Variants in DAGLA observed in about 807,000 individuals in gnomAD.
DAGLA encodes diacylglycerol lipase-alpha.
DAGLA carries 22 observed loss-of-function variants against 102.6 expected under a neutral mutation model. The observed-to-expected ratio is 0.21, with a 90% confidence interval of 0.15 to 0.31. DAGLA has a LOEUF of 0.31. DAGLA is among the 10% of genes least tolerant of loss of function. The pLI, the probability that DAGLA is intolerant of heterozygous loss-of-function variation, is 1.00. For missense variants in DAGLA, 927 were observed against 1,446.6 expected, an observed-to-expected ratio of 0.64 and a Z score of 5.83; for synonymous variants, 578 against 628.9, an observed-to-expected ratio of 0.92 and a Z score of 1.21.
At chr11:61,711,156 C>T (rs1407820799) in intron 1 of DAGLA, among the ~76,000 whole-genome samples, 6 of 152,126 alleles carry the variant, frequency 3.9e-5, no homozygotes, top group South Asian at 2.1e-4. Flanking sequence ...GTAGAAAGGA[C>T]GAAAACCACA....
rs1187301812 is a variant in DAGLA at position 61,728,752 on chromosome 11, A to G, written c.772-179A>G. ...GGGTAGAAGGGGAGCATCTGGAAAT[A>G]TGGGGAAACCTCAGATTTTGGAAAA... On this transcript the variant is annotated intron_variant, in intron 7 of 19. Transcript: ENST00000257215. Among the ~76,000 whole-genome samples the G allele has an allele frequency of 2.6e-5, 4 of 152,248 alleles. No individual in the cohort carries two copies. The East Asian group carries it at 7.7e-4, about 29-fold the overall frequency.
At chr11:61,726,127 C>A in intron 6 of DAGLA, 45 bp downstream of exon 6, 2 of 1,577,468 alleles carry the variant, frequency 1.3e-6, no homozygotes, top group South Asian at 1.1e-5. Flanking sequence ...ATCCTGTGGT[C>A]AGGTGATTAA....
Position 61,728,917 on chromosome 11 carries a change from T to C in DAGLA, c.772-14T>C. On this transcript the variant is annotated splice_polypyrimidine_tract_variant and intron_variant, in intron 7 of 19. Coordinates refer to ENST00000257215, the MANE Select transcript of DAGLA (RefSeq NM_006133.3). Reference sequence around the variant, plus strand: ...GGGCCAGTGATTGTCCTTCTTCACCTGCCGGTCTTACAGGCAAACAATGAC... The same window carrying C: ...GGGCCAGTGATTGTCCTTCTTCACCCGCCGGTCTTACAGGCAAACAATGAC... 1 of 1,613,694 alleles carries C rather than the reference T, an allele frequency of 6.2e-7. No homozygotes were observed.
intron 1 of DAGLA, 43 bp from the exon 2 acceptor site, chr11:61,720,068 CT>C: frequency 1.4e-6 from 2 of 1,427,422 alleles, no homozygotes; most frequent in East Asian, 2.3e-5. Context: ...CCCTGGGTGC[CT>C]TCACCTCCTC....
intron 10 of DAGLA, 60 bp from the exon 11 acceptor site, chr11:61,735,501 A>G (rs1486003293): frequency 1.3e-6 from 2 of 1,488,886 alleles, no homozygotes; most frequent in Non-Finnish European, 1.9e-6. Flanking sequence ...TGCCTAGGTC[A>G]CTTTCCCTGA....
At chr11:61,728,340 C>T in intron 7 of DAGLA, 53 bp downstream of exon 7, 1 of 1,592,536 alleles carries the variant, frequency 6.3e-7, no homozygotes, top group South Asian at 1.1e-5. Flanking sequence ...ACCCTTCTTT[C>T]AGGCCCCTTC....
chr11:61,706,566 G>A (rs777986567), intron 1 of DAGLA, among the ~76,000 whole-genome samples: 61 of 152,308 alleles, frequency 4.0e-4, no homozygotes, highest in Middle Eastern at 6.8e-3. Flanking sequence ...AAAACAGGCG[G>A]GGGGTGCACC....
Position 61,686,888 on chromosome 11 carries a change from C to T in DAGLA, c.-45+6384C>T, listed in dbSNP as rs1419976064. 1.3e-5 allele frequency among the ~76,000 whole-genome samples: 2 copies of T among 152,154 alleles called. No homozygotes were observed. Among genetic ancestry groups the T allele is most frequent in the Admixed American group, 6.5e-5 (1 of 15,282 alleles). The stretch of plus-strand genomic sequence containing the variant: ...GCTGCTCCTGATGGGCAGGCCACAC[C>T]GTGGAGTGGGCTCCCTGGGGCTGCA... On this transcript the variant is annotated intron_variant, in intron 1 of 19. Transcript: ENST00000257215. The surrounding 1 kb of genome is among the most constrained non-coding windows in gnomAD (Gnocchi z 5.2).
intron 19 of DAGLA, among the ~76,000 whole-genome samples, chr11:61,741,975 G>A (rs1325784145): frequency 6.6e-6 from 1 of 152,152 alleles, no homozygotes; most frequent in East Asian, 1.9e-4. Flanking sequence ...TTACATATTT[G>A]TATTGAAGCT....
chr11:61,738,219 C>T lies in DAGLA; in HGVS notation c.1656+12C>T, dbSNP rs556290022. 1.1e-4 allele frequency: 183 copies of T among 1,608,300 alleles called. 2 individuals carry two copies. The South Asian group carries it at 1.9e-3, about 17-fold the overall frequency. The stretch of plus-strand genomic sequence containing the variant: ...GCACCAAGCCCAAAGTGAGCCCCCA[C>T]CTGGGCACCCTGCCTCTGTGCAGCC... On this transcript the variant is annotated intron_variant, in intron 16 of 19. Transcript: ENST00000257215.
chr11:61,683,274 G>A, intron 1 of DAGLA, among the ~76,000 whole-genome samples: 2 of 152,222 alleles, frequency 1.3e-5, no homozygotes, highest in East Asian at 3.9e-4. Flanking sequence ...AGGGTTGTGA[G>A]CTGACTTTTC....
chr11:61,705,220 A>G (rs1338480364), intron 1 of DAGLA, among the ~76,000 whole-genome samples: 1 of 152,214 alleles, frequency 6.6e-6, no homozygotes, highest in Non-Finnish European at 1.5e-5. Flanking sequence ...CGTCTTTGAC[A>G]GCGCCAGTGT....
intron 8 of DAGLA, 69 bp downstream of exon 8, chr11:61,729,077 A>G: frequency 7.1e-7 from 1 of 1,408,836 alleles, no homozygotes; most frequent in Non-Finnish European, 1.0e-6. Context: ...TGACCTAAGC[A>G]AACTCCTCCC....
chr11:61,681,869 T>C (rs1309926147), intron 1 of DAGLA, among the ~76,000 whole-genome samples: 1 of 152,214 alleles, frequency 6.6e-6, no homozygotes, highest in Non-Finnish European at 1.5e-5. Context: ...CCTAGTGCCT[T>C]ACTTTACAGA....
rs746603173 is a variant in DAGLA at position 61,744,102 on chromosome 11, C to T, written c.2742C>T (p.Ala914=). The change falls in exon 20 of 20, where the codon GCC becomes GCT. Residue 914 remains alanine (A), a synonymous_variant. Transcript: ENST00000257215. ...CCAGTCCTCAGGTGCTGGAATTCGC[C>T]GAGTTCATCGACAGCCTCTTCAACC... The part of the protein sequence containing the change: ...DSPSPQVLEF[A]EFIDSLFNLD... The T allele has an allele frequency of 5.6e-6, 9 of 1,612,832 alleles. No individual in the cohort carries two copies. Among genetic ancestry groups the T allele is most frequent in the African/African-American group, 4.0e-5 (3 of 74,926 alleles).
chr11:61,736,442 G>A lies in DAGLA; in HGVS notation c.1371+92G>A, dbSNP rs927803677. On this transcript the variant is annotated intron_variant, in intron 13 of 19. Coordinates refer to ENST00000257215, the MANE Select transcript of DAGLA (RefSeq NM_006133.3). ...GAGGAGAGGATGGATGGGTGATGGA[G>A]CCTCACAACTCCCACACAAGCCAGG... 4.8e-6 allele frequency: 5 copies of A among 1,036,146 alleles called. No homozygotes were observed. In the African/African-American group the frequency reaches 7.9e-5, roughly 16 times the overall value. 64.2% of individuals were successfully genotyped at this position (1,036,146 alleles called of 1,614,324 possible).
chr11:61,695,172 A>G (rs992882756), intron 1 of DAGLA, among the ~76,000 whole-genome samples: 1 of 152,186 alleles, frequency 6.6e-6, no homozygotes, highest in Non-Finnish European at 1.5e-5. Context: ...GCCCTGCACA[A>G]GGTGCATCTG....
In DAGLA at chr11:61,740,610, AG is replaced by A. The variant is rs747869814; in HGVS notation, c.1983+21del. The A allele has an allele frequency of 5.6e-6, 9 of 1,611,650 alleles. No individual in the cohort carries two copies. Among genetic ancestry groups the A allele is most frequent in the Middle Eastern group, 1.6e-4 (1 of 6,074 alleles). On this transcript the variant is annotated intron_variant, in intron 18 of 19. Coordinates refer to ENST00000257215, the MANE Select transcript of DAGLA (RefSeq NM_006133.3). ...TCAACAAGGTGAGGCAGCTCCCGGC[AG>A]GGTACCACCAGGGAATAAGGCACTG... is the stretch of plus-strand genomic sequence containing the variant.
intron 1 of DAGLA, among the ~76,000 whole-genome samples, chr11:61,711,997 A>G (rs942792620): frequency 2.0e-5 from 3 of 152,254 alleles, no homozygotes; most frequent in Non-Finnish European, 4.4e-5. Context: ...TAAATGCTAT[A>G]TAAGAGTTTG....
Sources: gnomAD v4.1 joint callset for allele counts (sites outside exome capture counted in the v4.1 genomes callset) on GRCh38, gnomAD v4.1.1 for gene constraint, Gnocchi (gnomAD v3.1) non-coding constraint, MANE v1.5 for transcripts, NCBI Gene and HGNC (gene_info 2026-07-23, HGNC 2026-07-21) for gene names.